NLGN1: variants seen among roughly 807,000 people sequenced by gnomAD.
NLGN1 encodes neuroligin-1.
Under a neutral mutation model 65.5 loss-of-function variants are expected in NLGN1, and 12 were observed. The ratio of observed to expected loss-of-function variants is 0.18; its 90% confidence interval spans 0.12 to 0.30. NLGN1 has a LOEUF of 0.30. NLGN1 is among the 10% of genes least tolerant of loss of function. The probability of loss-of-function intolerance (pLI) is 1.00; values close to 1 mark genes in which losing one functional copy is unlikely to be tolerated. For synonymous variants in NLGN1, 350 were observed against 359.5 expected, an observed-to-expected ratio of 0.97 and a Z score of 0.30; for missense variants, 750 against 1,007.1, an observed-to-expected ratio of 0.74 and a Z score of 3.46.
chr3:174,062,703 A>G (rs935081682), intron 4 of NLGN1, among the ~76,000 whole-genome samples: 1 of 151,972 alleles, frequency 6.6e-6, no homozygotes, highest in African/African-American at 2.4e-5. Context: ...TTTTTTCTCT[A>G]AAATGAAAAT....
intron 1 of NLGN1, among the ~76,000 whole-genome samples, chr3:173,425,329 GT>G (rs906431892): frequency 6.7e-6 from 1 of 149,970 alleles, no homozygotes. Context: ...CACTCTATTG[GT>G]TTTTTTCTTT....
At chr3:173,754,246 C>T (rs1386318489) in intron 3 of NLGN1, among the ~76,000 whole-genome samples, 2 of 151,792 alleles carry the variant, frequency 1.3e-5, no homozygotes, top group Non-Finnish European at 2.9e-5. Flanking sequence ...TGGGGTTTCA[C>T]CATTTTGTCC....
intron 4 of NLGN1, among the ~76,000 whole-genome samples, chr3:174,006,197 C>T (rs1724356831): frequency 6.6e-6 from 1 of 152,182 alleles, no homozygotes; most frequent in Non-Finnish European, 1.5e-5. Context: ...TTTCTTGGCT[C>T]ACTCCAGGAC....
intron 2 of NLGN1, among the ~76,000 whole-genome samples, chr3:173,516,419 C>T (rs1314742534): frequency 6.6e-6 from 1 of 151,990 alleles, no homozygotes; most frequent in Non-Finnish European, 1.5e-5. Flanking sequence ...AAACAGAATT[C>T]ATGCTTCTCC....
intron 2 of NLGN1, among the ~76,000 whole-genome samples, chr3:173,484,528 T>G (rs1306613760): frequency 6.6e-6 from 1 of 152,076 alleles, no homozygotes; most frequent in Non-Finnish European, 1.5e-5. Context: ...TGAGTGTAGA[T>G]GCAATGCATA....
intron 4 of NLGN1, among the ~76,000 whole-genome samples, chr3:173,916,382 AC>A (rs1249740796): frequency 1.3e-5 from 2 of 152,168 alleles, no homozygotes; most frequent in African/African-American, 4.8e-5. Context: ...TTTATTGATC[AC>A]CCTAAGTGGA....
Position 174,103,414 on chromosome 3 carries a change from G to A in NLGN1, c.647-171901G>A, listed in dbSNP as rs900043563. Among the ~76,000 whole-genome samples, 21 of 152,070 alleles carry A rather than the reference G, an allele frequency of 1.4e-4. No homozygotes were observed. The East Asian group carries it at 3.5e-3, about 25-fold the overall frequency. ...TATACAAATATCTCTTTTTCCTCAC[G>A]TTAAAAATACTCTAATAGGAAAGAC... On this transcript the variant is annotated intron_variant, in intron 4 of 6. Transcript: ENST00000457714.
intron 4 of NLGN1, among the ~76,000 whole-genome samples, chr3:174,016,884 T>C (rs372719937): frequency 1.3e-5 from 2 of 152,090 alleles, no homozygotes; most frequent in East Asian, 3.9e-4. Context: ...TGGAGGTTTA[T>C]TTTTGCCAGA....
chr3:173,602,217 T>G (rs1034550905), intron 2 of NLGN1, among the ~76,000 whole-genome samples: 1 of 152,146 alleles, frequency 6.6e-6, no homozygotes, highest in South Asian at 2.1e-4. Context: ...TTTAATATAC[T>G]AAGGAAGCAT....
chr3:173,573,904 A>G lies in NLGN1; in HGVS notation c.-320-30375A>G, dbSNP rs201438008. Among the ~76,000 whole-genome samples the G allele has an allele frequency of 1.6e-4, 25 of 151,756 alleles. No homozygotes were observed. The East Asian group carries it at 4.6e-3, about 28-fold the overall frequency. Reference sequence around the variant, plus strand: ...CGCTGAAACCCCGTCTCTACTAAAAATACAAAAAATTAGCCGGGCGTGGTA... The same window carrying G: ...CGCTGAAACCCCGTCTCTACTAAAAGTACAAAAAATTAGCCGGGCGTGGTA... On this transcript the variant is annotated intron_variant, in intron 2 of 6. Transcript: ENST00000457714.
rs558689641 is a variant in NLGN1, at chr3:174,191,681, T to G, written c.647-83634T>G. The stretch of plus-strand genomic sequence containing the variant: ...AACAGGTGTCATCTGCTTTGCAAAA[T>G]TACAGTTTCCACAAAGCACCACGAA... On this transcript the variant is annotated intron_variant, in intron 4 of 6. Coordinates refer to ENST00000457714, the Ensembl canonical transcript of NLGN1. Among the ~76,000 whole-genome samples, 12 of 152,234 alleles carry G rather than the reference T, an allele frequency of 7.9e-5. No homozygotes were observed. In the East Asian group the frequency reaches 1.7e-3, roughly 22 times the overall value.
chr3:173,561,256 A>G (rs183648004), intron 2 of NLGN1, among the ~76,000 whole-genome samples: 12 of 152,336 alleles, frequency 7.9e-5, no homozygotes, highest in Middle Eastern at 3.4e-3. Flanking sequence ...AAACTATCAG[A>G]TAACTTGTGT....
intron 4 of NLGN1, among the ~76,000 whole-genome samples, chr3:173,894,585 A>T (rs1250849693): frequency 1.3e-5 from 2 of 150,044 alleles, no homozygotes; most frequent in East Asian, 3.9e-4. Flanking sequence ...AAACTTAAAC[A>T]TTTTTAAATG....
chr3:173,439,470 C>T (rs1265466725), intron 2 of NLGN1, among the ~76,000 whole-genome samples: 1 of 151,274 alleles, frequency 6.6e-6, no homozygotes, highest in Non-Finnish European at 1.5e-5. Flanking sequence ...ATGTGCTCAT[C>T]TCACATCTTT....
At chr3:173,616,212 A>C (rs1201449338) in intron 3 of NLGN1, among the ~76,000 whole-genome samples, 2 of 152,160 alleles carry the variant, frequency 1.3e-5, no homozygotes, top group Admixed American at 6.5e-5. Flanking sequence ...TATTTCAGAT[A>C]TTAAAATATT....
intron 3 of NLGN1, among the ~76,000 whole-genome samples, chr3:173,727,512 A>G (rs933068854): frequency 2.0e-5 from 3 of 152,154 alleles, no homozygotes; most frequent in African/African-American, 7.2e-5. Context: ...CCTGGAAATA[A>G]TACTGACACA....
intron 1 of NLGN1, among the ~76,000 whole-genome samples, chr3:173,403,862 C>G (rs1309460256): frequency 1.3e-5 from 2 of 151,952 alleles, no homozygotes; most frequent in Non-Finnish European, 2.9e-5. Flanking sequence ...TGAGTGCCAT[C>G]GCGCATCACT....
chr3:174,155,138 A>G (rs1302331696), intron 4 of NLGN1, among the ~76,000 whole-genome samples: 1 of 149,544 alleles, frequency 6.7e-6, no homozygotes, highest in African/African-American at 2.5e-5. Context: ...CAGTTGAGAG[A>G]TCTAAAGCCC....
chr3:173,640,934 C>T (rs1757319591), intron 3 of NLGN1, among the ~76,000 whole-genome samples: 1 of 152,112 alleles, frequency 6.6e-6, no homozygotes, highest in South Asian at 2.1e-4. Context: ...ATTTATGATA[C>T]TATATATTTG....
Sources: allele counts gnomAD v4.1 joint callset (sites outside exome capture counted in the v4.1 genomes callset), GRCh38; gene constraint gnomAD v4.1.1; transcripts MANE v1.5; gene names NCBI Gene and HGNC (gene_info 2026-07-23, HGNC 2026-07-21).